FAF1: variants seen among roughly 807,000 people sequenced by gnomAD.
The protein encoded by FAF1 is FAS-associated factor 1.
In FAF1, 25 loss-of-function variants were observed where a neutral mutation model predicts 92.5. The ratio of observed to expected loss-of-function variants is 0.27; its 90% CI spans 0.20 to 0.38. The LOEUF (loss-of-function observed/expected upper bound fraction) is 0.38. Ranked by LOEUF, FAF1 falls within the 10% of genes least tolerant of loss-of-function variation. FAF1 has a pLI of 1.00. For synonymous variants in FAF1, 234 were observed against 273.2 expected (o/e 0.86, Z 1.42); for missense variants, 636 against 793.3 (o/e 0.80, Z 2.38).
chr1:50,513,637 A>G (rs1647167636), intron 15 of FAF1, among the ~76,000 whole-genome samples: 1 of 152,232 alleles, frequency 6.6e-6, no homozygotes. Flanking sequence ...AAGTATTTGC[A>G]AAGGAAAATG....
intron 1 of FAF1, among the ~76,000 whole-genome samples, chr1:50,932,379 T>C (rs1328304403): frequency 1.3e-5 from 2 of 152,352 alleles, no homozygotes; most frequent in South Asian, 4.1e-4. Flanking sequence ...ACAGCCATTC[T>C]ACATGGGAGA....
intron 3 of FAF1, among the ~76,000 whole-genome samples, chr1:50,792,156 C>T (rs566924805): frequency 6.6e-5 from 10 of 152,154 alleles, no homozygotes; most frequent in Admixed American, 1.3e-4. Flanking sequence ...GCTTCTGACT[C>T]GGAGACTTAA....
chr1:50,952,187 C>G (rs1330941064), intron 1 of FAF1, among the ~76,000 whole-genome samples: 2 of 152,220 alleles, frequency 1.3e-5, no homozygotes, highest in Non-Finnish European at 2.9e-5. Context: ...GCCGCCATCT[C>G]GGCTCACTGC....
intron 15 of FAF1, among the ~76,000 whole-genome samples, chr1:50,513,971 T>G (rs1149796): frequency 2.0e-5 from 3 of 152,188 alleles, no homozygotes. Context: ...TTCCAAACAG[T>G]GCAAATACAA....
chr1:50,453,552 TG>T (rs1210421630), intron 18 of FAF1, among the ~76,000 whole-genome samples: 1 of 152,234 alleles, frequency 6.6e-6, no homozygotes, highest in Non-Finnish European at 1.5e-5. Flanking sequence ...AGGCTCTCTC[TG>T]AGCTATTTTG....
At chr1:50,946,271 C>A (rs1033389032) in intron 1 of FAF1, among the ~76,000 whole-genome samples, 1 of 152,218 alleles carries the variant, frequency 6.6e-6, no homozygotes, top group African/African-American at 2.4e-5. Context: ...AGTTGTTACA[C>A]TGGGGAGGAT....
intron 7 of FAF1, among the ~76,000 whole-genome samples, chr1:50,681,021 T>G (rs1656395182): frequency 6.7e-6 from 1 of 150,186 alleles, no homozygotes; most frequent in East Asian, 1.9e-4. Flanking sequence ...AACACTACAT[T>G]CAGAATAATA....
intron 13 of FAF1, among the ~76,000 whole-genome samples, chr1:50,555,282 C>T (rs1649517814): frequency 6.9e-6 from 1 of 145,826 alleles, no homozygotes; most frequent in South Asian, 2.1e-4. Context: ...CTCTGACACA[C>T]ACACACACAC....
intron 1 of FAF1, among the ~76,000 whole-genome samples, chr1:50,877,093 G>C (rs1424347264): frequency 6.6e-6 from 1 of 152,180 alleles, no homozygotes; most frequent in South Asian, 2.1e-4. Context: ...TATTCCTAAA[G>C]TATGGGATGC....
At chr1:50,717,693 C>T (rs1199858320) in intron 6 of FAF1, among the ~76,000 whole-genome samples, 1 of 152,124 alleles carries the variant, frequency 6.6e-6, no homozygotes, top group Non-Finnish European at 1.5e-5. Flanking sequence ...TGTCAAAACT[C>T]GTATAACTCA....
intron 1 of FAF1, among the ~76,000 whole-genome samples, chr1:50,865,923 G>C (rs1279431625): frequency 6.8e-6 from 1 of 147,886 alleles, no homozygotes; most frequent in East Asian, 2.0e-4. Flanking sequence ...ATCCAACTAA[G>C]CTCAATTACA....
Position 50,582,608 on chromosome 1 carries a change from C to T in FAF1, c.1113+10G>A. The T allele has an allele frequency of 6.3e-7, 1 of 1,588,918 alleles. No individual in the cohort carries two copies. The highest frequency in any genetic ancestry group is 1.7e-4 in the Middle Eastern group (1 of 6,012). ...CACTTTTTAATCAGAAAAGGTCAAA[C>T]TGTACTTACATCTCGGGCTTTCACA... On this transcript the variant is annotated intron_variant, in intron 12 of 18. Transcript: ENST00000396153.
At chr1:50,590,165 A>G (rs1166658322) in intron 9 of FAF1, among the ~76,000 whole-genome samples, 1 of 152,196 alleles carries the variant, frequency 6.6e-6, no homozygotes, top group Admixed American at 6.5e-5. Flanking sequence ...TTGAAATTCC[A>G]TATGAATTTT....
chr1:50,796,184 A>C (rs891741996), intron 3 of FAF1, among the ~76,000 whole-genome samples: 13 of 152,050 alleles, frequency 8.5e-5, no homozygotes, highest in Non-Finnish European at 1.8e-4. Context: ...CCAGTAACAG[A>C]AACAAAAACT....
intron 5 of FAF1, among the ~76,000 whole-genome samples, chr1:50,742,384 A>AG (rs963612907): frequency 1.4e-4 from 13 of 92,442 alleles, no homozygotes; most frequent in East Asian, 3.7e-4. Flanking sequence ...CAAATTTGGG[A>AG]GGGGGGGTGT....
At chr1:50,952,307 G>C (rs151319106) in intron 1 of FAF1, among the ~76,000 whole-genome samples, 2 of 152,200 alleles carry the variant, frequency 1.3e-5, no homozygotes, top group Non-Finnish European at 2.9e-5. Flanking sequence ...ACGGGTTTTC[G>C]CCGTGTTGGC....
intron 7 of FAF1, among the ~76,000 whole-genome samples, chr1:50,676,827 A>G (rs1184553076): frequency 6.6e-6 from 1 of 152,122 alleles, no homozygotes; most frequent in Non-Finnish European, 1.5e-5. Flanking sequence ...ATCTAAATAT[A>G]TATATGCATA....
chr1:50,488,412 T>G (rs1273559746), intron 17 of FAF1, among the ~76,000 whole-genome samples: 2 of 152,180 alleles, frequency 1.3e-5, no homozygotes, highest in African/African-American at 2.4e-5. Context: ...GAACACTGAG[T>G]TAATTGTGTA....
intron 8 of FAF1, among the ~76,000 whole-genome samples, chr1:50,632,503 T>C (rs1415633727): frequency 1.3e-5 from 2 of 152,200 alleles, no homozygotes; most frequent in Admixed American, 1.3e-4. Flanking sequence ...TTCTTTTTAA[T>C]CTCTTCAGAT....
Sources: gnomAD v4.1 joint callset for allele counts (sites outside exome capture counted in the v4.1 genomes callset) on GRCh38, gnomAD v4.1.1 for gene constraint, MANE v1.5 for transcripts, NCBI Gene and HGNC (gene_info 2026-07-23, HGNC 2026-07-21) for gene names.